The following PPARA variants were observed in gnomAD, a reference collection of about 807,000 sequenced individuals.
PPARA encodes peroxisome proliferator-activated receptor alpha.
Under a neutral mutation model 42.2 loss-of-function variants are expected in PPARA, and 22 were observed. That is an observed-to-expected ratio of 0.52 (90% CI 0.37 to 0.74). The LOEUF (loss-of-function observed/expected upper bound fraction) is 0.74, where lower values mean the gene tolerates loss of function less well. Among genes scored for constraint, PPARA ranks in the 30% least tolerant of loss-of-function variants. The pLI, the probability that PPARA is intolerant of heterozygous loss-of-function variation, is 0.00. For synonymous variants in PPARA, 242 were observed against 239.3 expected (o/e 1.01, Z -0.10); for missense variants, 465 against 608.2 (o/e 0.76, Z 2.48).
intron 4 of PPARA, among the ~76,000 whole-genome samples, chr22:46,210,459 T>G (rs1413437078): frequency 1.3e-5 from 2 of 151,306 alleles, no homozygotes; most frequent in Non-Finnish European, 1.5e-5. Context: ...TTTTTTTTTT[T>G]GGAGATGGAG....
chr22:46,218,120 A>G (rs1934663436), intron 5 of PPARA, 143 bp from the exon 6 acceptor site: 1 of 1,152,992 alleles, frequency 8.7e-7, no homozygotes, highest in Non-Finnish European at 1.2e-6. Flanking sequence ...CATGATCACC[A>G]TGCCTGGCCT....
At position 46,200,627 on chromosome 22, in the gene PPARA, G is replaced by A. The variant is rs1932790456; in HGVS notation, c.208+2036G>A. On this transcript the variant is annotated intron_variant, in intron 4 of 8. Transcript: ENST00000407236. This position sits in a 1 kb window ranked among gnomAD's most constrained non-coding sequence, Gnocchi z 4.8. Reference sequence around the variant, plus strand: ...ACAGAAATAAGCTCAGAGAAATTAAGTAACTTGGCTGGGCGCAGTGGCTCA... The same window carrying A: ...ACAGAAATAAGCTCAGAGAAATTAAATAACTTGGCTGGGCGCAGTGGCTCA... Among the ~76,000 whole-genome samples, 1 of 152,224 alleles carries A rather than the reference G, an allele frequency of 6.6e-6. No homozygotes were observed. Among genetic ancestry groups the A allele is most frequent in the Non-Finnish European group, 1.5e-5 (1 of 68,028 alleles).
chr22:46,205,013 G>A (rs1320500582), intron 4 of PPARA, among the ~76,000 whole-genome samples: 1 of 150,884 alleles, frequency 6.6e-6, no homozygotes, highest in Non-Finnish European at 1.5e-5. Flanking sequence ...GACCACAGGT[G>A]TGTACCACCA....
chr22:46,185,962 TATACAC>T (rs1201168279), intron 3 of PPARA, among the ~76,000 whole-genome samples: 4 of 37,130 alleles, frequency 1.1e-4, no homozygotes, highest in Middle Eastern at 0.019. Flanking sequence ...TATATATATA[TATACAC>T]ACACACTAAC....
rs1935255038 is a variant in PPARA at position 46,224,565 on chromosome 22, C to T, written c.711+4551C>T. Among the ~76,000 whole-genome samples, 1 of 152,228 alleles carries T rather than the reference C, an allele frequency of 6.6e-6. No individual in the cohort carries two copies. The highest frequency in any genetic ancestry group is 2.1e-4 in the South Asian group (1 of 4,838). On this transcript the variant is annotated intron_variant, in intron 7 of 8. Coordinates refer to ENST00000407236, the MANE Select transcript of PPARA (RefSeq NM_005036.6). This position sits in a 1 kb window ranked among gnomAD's most constrained non-coding sequence, Gnocchi z 5.7. ...TCCAGCCTGGGTGACCTCACAGCCC[C>T]AGCCACGCCCCACAGAGCCTCAGGA... is the stretch of plus-strand genomic sequence containing the variant.
chr22:46,150,692 C>CG lies in PPARA; in HGVS notation c.-210+45dup, dbSNP rs913646764. The CG allele has an allele frequency of 7.1e-6, 1 of 141,622 alleles. No homozygotes were observed. Among genetic ancestry groups the CG allele is most frequent in the East Asian group, 2.3e-4 (1 of 4,342 alleles). The allele number at this position is 141,622 out of a possible 1,614,324, so 8.8% of individuals were successfully genotyped here. A position where few individuals can be genotyped will look rare whatever the true frequency, so the allele number is the denominator to read the frequency against. On this transcript the variant is annotated intron_variant, in intron 1 of 8. Transcript: ENST00000407236. This position sits in a 1 kb window ranked among gnomAD's most constrained non-coding sequence, Gnocchi z 7.5. ...GCGGGCGGGCGGGCGGGAACGCGCG[C>CG]GGGGGTCCGCGGTCCGGGCTTCCCA...
intron 3 of PPARA, among the ~76,000 whole-genome samples, chr22:46,181,606 G>T (rs1569203903): frequency 6.6e-6 from 1 of 152,126 alleles, no homozygotes; most frequent in Non-Finnish European, 1.5e-5. Flanking sequence ...AAAGATTGAG[G>T]GTTCTGTGTG....
intron 3 of PPARA, among the ~76,000 whole-genome samples, chr22:46,185,962 T>TACACACACAC (rs1471738633): frequency 2.7e-5 from 1 of 37,122 alleles, no homozygotes; most frequent in African/African-American, 8.9e-5. Flanking sequence ...TATATATATA[T>TACACACACAC]ATACACACAC....
At chr22:46,213,929 T>C (rs1457231401) in intron 4 of PPARA, among the ~76,000 whole-genome samples, 1 of 152,238 alleles carries the variant, frequency 6.6e-6, no homozygotes, top group African/African-American at 2.4e-5. Context: ...GACCTCTTTG[T>C]ATATTACCAC....
In PPARA at chr22:46,173,919, T is replaced by C. The variant is rs1457603533; in HGVS notation, c.-126-2834T>C. ...CATACATACCTATAAAGAAAGAAATTATGGGCTAGGTGCAGTGGCTCATGC... is the reference window on the plus strand; with the variant it reads ...CATACATACCTATAAAGAAAGAAATCATGGGCTAGGTGCAGTGGCTCATGC... On this transcript the variant is annotated intron_variant, in intron 2 of 8. Transcript: ENST00000407236. The surrounding 1 kb of genome is among the most constrained non-coding windows in gnomAD (Gnocchi z 4.3). 6.6e-6 allele frequency among the ~76,000 whole-genome samples: 1 copy of C among 151,382 alleles called. No individual in the cohort carries two copies. Among genetic ancestry groups the C allele is most frequent in the Non-Finnish European group, 1.5e-5 (1 of 68,008 alleles).
In PPARA at chr22:46,208,921, T is replaced by C. The variant is rs968407419; in HGVS notation, c.209-6252T>C. On this transcript the variant is annotated intron_variant, in intron 4 of 8. Coordinates refer to ENST00000407236, the MANE Select transcript of PPARA (RefSeq NM_005036.6). ...ATTCGTGTGTGTGTGTGTGTGCGTGTGTGTGTGTGTGTGTATCACATTTTC... is the reference window on the plus strand; with the variant it reads ...ATTCGTGTGTGTGTGTGTGTGCGTGCGTGTGTGTGTGTGTATCACATTTTC... 6.3e-3 allele frequency among the ~76,000 whole-genome samples: 891 copies of C among 140,952 alleles called. 3 individuals carry two copies. Among genetic ancestry groups the C allele is most frequent in the Non-Finnish European group, 9.3e-3 (626 of 67,104 alleles). The allele number at this position is 140,952 out of a possible 152,430, so 92.5% of individuals were successfully genotyped here.
chr22:46,227,095 G>A lies in PPARA; in HGVS notation c.712-4697G>A, dbSNP rs79066382. 6.0e-4 allele frequency among the ~76,000 whole-genome samples: 85 copies of A among 142,568 alleles called. 1 individual carries two copies. The highest frequency in any genetic ancestry group is 2.4e-3 in the Admixed American group (35 of 14,658). The allele number at this position is 142,568 out of a possible 152,430, so 93.5% of individuals were successfully genotyped here. ...TTGGGGTGTTGCCTGCCGTGTGACA[G>A]TCCAATATTATACCTACTACTTAAG... On this transcript the variant is annotated intron_variant, in intron 7 of 8. Coordinates refer to ENST00000407236, the MANE Select transcript of PPARA (RefSeq NM_005036.6). This position sits in a 1 kb window ranked among gnomAD's most constrained non-coding sequence, Gnocchi z 4.3.
intron 2 of PPARA, among the ~76,000 whole-genome samples, chr22:46,174,309 T>C (rs1928676713): frequency 3.1e-5 from 2 of 64,296 alleles, no homozygotes; most frequent in Admixed American, 3.5e-4. Flanking sequence ...AGTTGGTAAC[T>C]ACCAGTGAAT....
chr22:46,171,136 G>C lies in PPARA; in HGVS notation c.-126-5617G>C, dbSNP rs1360112017. ...AGACTGCGCCACTGCACTCCAGCCT[G>C]GGCAACAGAGCAAGACTCTGTCTCA... On this transcript the variant is annotated intron_variant, in intron 2 of 8. Transcript: ENST00000407236. This position sits in a 1 kb window ranked among gnomAD's most constrained non-coding sequence, Gnocchi z 5.0. The C allele has an allele frequency of 6.6e-6, 1 of 152,244 alleles. No individual in the cohort carries two copies. Among genetic ancestry groups the C allele is most frequent in the Non-Finnish European group, 1.5e-5 (1 of 68,254 alleles). The allele number at this position is 152,244 out of a possible 1,614,324, so 9.4% of individuals were successfully genotyped here. A position where few individuals can be genotyped will look rare whatever the true frequency, so the allele number is the denominator to read the frequency against.
Position 46,232,933 on chromosome 22 carries a change from G to A in PPARA, c.1159+694G>A, listed in dbSNP as rs1020043215. On this transcript the variant is annotated intron_variant, in intron 8 of 8. Coordinates refer to ENST00000407236, the MANE Select transcript of PPARA (RefSeq NM_005036.6). The surrounding 1 kb of genome is among the most constrained non-coding windows in gnomAD (Gnocchi z 5.3). The stretch of plus-strand genomic sequence containing the variant: ...GGAGACAAAGGTTGCAGTGAGCCAA[G>A]GTCACGCCACCACACTCCAGCCTGG... Among the ~76,000 whole-genome samples, 1 of 146,670 alleles carries A rather than the reference G, an allele frequency of 6.8e-6. No individual in the cohort carries two copies. Among genetic ancestry groups the A allele is most frequent in the Non-Finnish European group, 1.5e-5 (1 of 67,320 alleles).
At position 46,163,090 on chromosome 22, in the gene PPARA, G is replaced by A. The variant is rs1926462892; in HGVS notation, c.-127+11120G>A. Reference sequence around the variant, plus strand: ...GAAACTGAGAGCAGCCTGCAGAGGGGAAAGAGCGGGGACAGAGGGTCACGG... The same window carrying A: ...GAAACTGAGAGCAGCCTGCAGAGGGAAAAGAGCGGGGACAGAGGGTCACGG... On this transcript the variant is annotated intron_variant, in intron 2 of 8. Coordinates refer to ENST00000407236, the MANE Select transcript of PPARA (RefSeq NM_005036.6). This position sits in a 1 kb window ranked among gnomAD's most constrained non-coding sequence, Gnocchi z 4.9. Among the ~76,000 whole-genome samples, 1 of 152,194 alleles carries A rather than the reference G, an allele frequency of 6.6e-6. No individual in the cohort carries two copies. The highest frequency in any genetic ancestry group is 1.5e-5 in the Non-Finnish European group (1 of 68,032).
rs139484408 is a variant in PPARA at position 46,159,922 on chromosome 22, G to A, written c.-127+7952G>A. The stretch of plus-strand genomic sequence containing the variant: ...TTGTGGGTGCCTAGTGAATTCCTCC[G>A]AAGCCAAGAGAGAGGTTTCCAGACC... On this transcript the variant is annotated intron_variant, in intron 2 of 8. Transcript: ENST00000407236. 3.3e-3 allele frequency among the ~76,000 whole-genome samples: 510 copies of A among 152,330 alleles called. 7 individuals carry two copies. The highest frequency in any genetic ancestry group is 0.011 in the African/African-American group (473 of 41,582).
chr22:46,160,576 G>A lies in PPARA; in HGVS notation c.-127+8606G>A, dbSNP rs531220169. On this transcript the variant is annotated intron_variant, in intron 2 of 8. Transcript: ENST00000407236. This position sits in a 1 kb window ranked among gnomAD's most constrained non-coding sequence, Gnocchi z 4.5. Reference sequence around the variant, plus strand: ...CTCCCAAAGTGCTGGGATTACAGGCGTGAGCCACCGCACCTGGCCCAATAT... The same window carrying A: ...CTCCCAAAGTGCTGGGATTACAGGCATGAGCCACCGCACCTGGCCCAATAT... 1.3e-5 allele frequency among the ~76,000 whole-genome samples: 2 copies of A among 152,022 alleles called. No homozygotes were observed. Among genetic ancestry groups the A allele is most frequent in the Non-Finnish European group, 1.5e-5 (1 of 68,000 alleles).
Position 46,171,784 on chromosome 22 carries a change from C to T in PPARA, c.-126-4969C>T, listed in dbSNP as rs979005793. On this transcript the variant is annotated intron_variant, in intron 2 of 8. Coordinates refer to ENST00000407236, the MANE Select transcript of PPARA (RefSeq NM_005036.6). This position sits in a 1 kb window ranked among gnomAD's most constrained non-coding sequence, Gnocchi z 5.0. ...GGACCAGTCTCGTGGAGGTCGGGGC[C>T]GTTGTGAGGACTCTGGTTTGTGTTG... Among the ~76,000 whole-genome samples the T allele has an allele frequency of 3.3e-5, 5 of 151,960 alleles. No homozygotes were observed. Among genetic ancestry groups the T allele is most frequent in the South Asian group, 2.1e-4 (1 of 4,804 alleles).
Sources: allele counts gnomAD v4.1 joint callset (sites outside exome capture counted in the v4.1 genomes callset), GRCh38; gene constraint gnomAD v4.1.1; non-coding constraint Gnocchi (gnomAD v3.1); transcripts MANE v1.5; gene names NCBI Gene and HGNC (gene_info 2026-07-23, HGNC 2026-07-21).